Variants in NASP observed in about 807,000 individuals in gnomAD.
NASP encodes NASP histone chaperone.
In NASP, 24 loss-of-function variants were observed where a neutral mutation model predicts 89.5. The ratio of observed to expected loss-of-function variants is 0.27; its 90% CI spans 0.19 to 0.38. NASP has a LOEUF of 0.38. Among genes scored for constraint, NASP ranks in the 10% least tolerant of loss-of-function variants. The pLI, the probability that NASP is intolerant of heterozygous loss-of-function variation, is 1.00. For synonymous variants in NASP, 306 were observed against 324.7 expected (o/e 0.94, Z 0.62); for missense variants, 848 against 921.4 (o/e 0.92, Z 1.03).
At chr1:45,597,304 T>TTC (rs1304982284) in intron 2 of NASP, among the ~76,000 whole-genome samples, 2 of 100,968 alleles carry the variant, frequency 2.0e-5, no homozygotes, top group Non-Finnish European at 5.1e-5. Context: ...AAGACTTTTT[T>TTC]TTTTTTTTTT....
chr1:45,584,266 G>C, intron 1 of NASP, 61 bp downstream of exon 1: 1 of 1,483,024 alleles, frequency 6.7e-7, no homozygotes. Context: ...CTAATGGACG[G>C]GGGCTCCGGA....
intron 1 of NASP, among the ~76,000 whole-genome samples, chr1:45,590,682 CTTTTTT>C (rs386366869): frequency 1.9e-5 from 2 of 107,186 alleles, no homozygotes; most frequent in African/African-American, 3.6e-5. Context: ...CATAGTGTAA[CTTTTTT>C]TTTTTTTTTT....
At position 45,587,840 on chromosome 1, in the gene NASP, C is replaced by T. The variant is rs113584075; in HGVS notation, c.60-3383C>T. Among the ~76,000 whole-genome samples, 123 of 150,808 alleles carry T rather than the reference C, an allele frequency of 8.2e-4. 1 individual carries two copies. The highest frequency in any genetic ancestry group is 3.0e-3 in the African/African-American group (122 of 41,080). On this transcript the variant is annotated intron_variant, in intron 1 of 14. Coordinates refer to ENST00000350030, the MANE Select transcript of NASP (RefSeq NM_002482.4). ...TGAGACTACAGTTTACAAAAATTAGCCGAGCATGGGTAGCAGGGTCCTGTA... is the reference window on the plus strand; with the variant it reads ...TGAGACTACAGTTTACAAAAATTAGTCGAGCATGGGTAGCAGGGTCCTGTA...
chr1:45,614,355 G>T lies in NASP; in HGVS notation c.1655G>T (p.Ser552Ile). ...AQAHLKLGEVSVESENYVQAV... is the reference protein window; with the variant it reads ...AQAHLKLGEVIVESENYVQAV... The stretch of plus-strand genomic sequence containing the variant: ...GCACATCTTAAACTCGGAGAAGTTA[G>T]TGTTGAATCTGGTAATGCATTTTCC... The change falls in exon 9 of 15, where the codon AGT becomes ATT. Residue 552 changes from serine (S) to isoleucine (I), a missense_variant. By Grantham distance (142) the Ser-to-Ile change is moderately radical. Around this residue, in one of 5 missense-constraint regions of NASP, gnomAD observed 60 missense variants for 114.6 expected, o/e 0.52. Transcript: ENST00000350030. The T allele has an allele frequency of 6.2e-7, 1 of 1,612,836 alleles. No homozygotes were observed. The highest frequency in any genetic ancestry group is 8.5e-7 in the Non-Finnish European group (1 of 1,178,816).
At chr1:45,600,653 T>C (rs1643818101) in intron 2 of NASP, among the ~76,000 whole-genome samples, 1 of 152,250 alleles carries the variant, frequency 6.6e-6, no homozygotes, top group Non-Finnish European at 1.5e-5. Context: ...TGAATATTTG[T>C]GTACAAGTCT....
chr1:45,604,596 G>C (rs1263631020), intron 3 of NASP, among the ~76,000 whole-genome samples: 1 of 152,128 alleles, frequency 6.6e-6, no homozygotes, highest in East Asian at 1.9e-4. Context: ...TCATCCTCTA[G>C]GTCCCAGCCA....
rs1215385518 is a variant in NASP at position 45,614,362 on chromosome 1, A to G, written c.1662A>G (p.Glu554=). 6.2e-7 allele frequency: 1 copy of G among 1,610,582 alleles called. No individual in the cohort carries two copies. ...AHLKLGEVSV[E]SENYVQAVEE... The stretch of plus-strand genomic sequence containing the variant: ...TTAAACTCGGAGAAGTTAGTGTTGA[A>G]TCTGGTAATGCATTTTCCATTTTAT... The change falls in exon 9 of 15, where the codon GAA becomes GAG. Residue 554 remains glutamate (E), a synonymous_variant. Coordinates refer to ENST00000350030, the MANE Select transcript of NASP (RefSeq NM_002482.4).
Position 45,614,986 on chromosome 1 carries a change from A to C in NASP, c.1667-27A>C, listed in dbSNP as rs368122543. On this transcript the variant is annotated intron_variant, in intron 9 of 14. Coordinates refer to ENST00000350030, the MANE Select transcript of NASP (RefSeq NM_002482.4). ...ATTTTATGTTGAATGCTGTCCATTT[A>C]CTTGCTCTTCTTTTTCTCTTTGTTA... is the stretch of plus-strand genomic sequence containing the variant. 73 of 1,594,320 alleles carry C rather than the reference A, an allele frequency of 4.6e-5. No homozygotes were observed. In the African/African-American group the frequency reaches 9.7e-4, roughly 21 times the overall value.
At position 45,614,011 on chromosome 1, in the gene NASP, A is replaced by G. The variant is rs1377173136; in HGVS notation, c.1507-85A>G. Reference sequence around the variant, plus strand: ...AGTCCAAATTTTGAATCGTATATCAACTTTTTTTAAGCTACGCTAAGTTAT... The same window carrying G: ...AGTCCAAATTTTGAATCGTATATCAGCTTTTTTTAAGCTACGCTAAGTTAT... On this transcript the variant is annotated intron_variant, in intron 7 of 14. Transcript: ENST00000350030. 12 of 1,122,424 alleles carry G rather than the reference A, an allele frequency of 1.1e-5. No individual in the cohort carries two copies. In the East Asian group the frequency reaches 2.4e-4, roughly 22 times the overall value. 69.5% of individuals were successfully genotyped at this position (1,122,424 alleles called of 1,614,324 possible). A position where few individuals can be genotyped will look rare whatever the true frequency, so the allele number is the denominator to read the frequency against.
At chr1:45,586,309 G>GTGTGTGTGGT (rs1420228919) in intron 1 of NASP, among the ~76,000 whole-genome samples, 1 of 135,998 alleles carries the variant, frequency 7.4e-6, no homozygotes, top group African/African-American at 2.8e-5. Context: ...GTGTGTGTGT[G>GTGTGTGTGGT]GTGTGTGTGT....
rs1180964914 is a variant in NASP, at chr1:45,584,824, ATC to A, written c.59+622_59+623del. Among the ~76,000 whole-genome samples the A allele has an allele frequency of 4.6e-5, 7 of 152,170 alleles. No homozygotes were observed. The South Asian group carries it at 1.2e-3, about 27-fold the overall frequency. On this transcript the variant is annotated intron_variant, in intron 1 of 14. Coordinates refer to ENST00000350030, the MANE Select transcript of NASP (RefSeq NM_002482.4). ...GCGGCTCCAGCAGGAGCTTTGGACTATCTCCGTGGGGCCGGCGAGGCTAGTTC... is the reference window on the plus strand; with the variant it reads ...GCGGCTCCAGCAGGAGCTTTGGACTATCCGTGGGGCCGGCGAGGCTAGTTC...
At position 45,617,601 on chromosome 1, in the gene NASP, T is replaced by G; in HGVS notation, c.2286+10T>G. 10 of 1,575,332 alleles carry G rather than the reference T, an allele frequency of 6.3e-6. No homozygotes were observed. Among genetic ancestry groups the G allele is most frequent in the Non-Finnish European group, 8.6e-6 (10 of 1,164,686 alleles). On this transcript the variant is annotated intron_variant, in intron 14 of 14. Coordinates refer to ENST00000350030, the MANE Select transcript of NASP (RefSeq NM_002482.4). ...AAACATGGAGGAGGAGGTGGGCAGT[T>G]AAGCAGGGCTTAGCCTCTTGCCTCA...
At position 45,602,349 on chromosome 1, in the gene NASP, G is replaced by A; in HGVS notation, c.202G>A (p.Glu68Lys). Reference sequence around the variant, plus strand: ...TCCAGCAGCTGTCAATGCATTCCAGGAAGCAGCTAGTCTTTTGTAAGTATT... The same window carrying A: ...TCCAGCAGCTGTCAATGCATTCCAGAAAGCAGCTAGTCTTTTGTAAGTATT... ...DIPAAVNAFQ[E>K]AASLLGKKYG... Residue 68 changes from glutamate (E) to lysine (K), a missense_variant, in exon 3 of 15, where the codon GAA (glutamate) becomes AAA (lysine). This residue lies in a region of NASP where 17 missense variants were observed against 38.6 expected (regional missense o/e 0.44). Coordinates refer to ENST00000350030, the MANE Select transcript of NASP (RefSeq NM_002482.4). The A allele has an allele frequency of 6.2e-7, 1 of 1,613,408 alleles. No homozygotes were observed. The highest frequency in any genetic ancestry group is 1.1e-5 in the South Asian group (1 of 91,060).
intron 13 of NASP, 177 bp from the exon 14 acceptor site, chr1:45,617,286 A>AT: frequency 1.5e-6 from 1 of 649,976 alleles, no homozygotes; most frequent in Non-Finnish European, 2.6e-6. Flanking sequence ...GGTGGGACAG[A>AT]TTAATACATT....
intron 1 of NASP, among the ~76,000 whole-genome samples, chr1:45,588,018 T>C (rs1404473408): frequency 6.6e-6 from 1 of 151,402 alleles, no homozygotes; most frequent in East Asian, 2.0e-4. Flanking sequence ...CACGGGCATA[T>C]CACTTGAAGC....
intron 2 of NASP, among the ~76,000 whole-genome samples, chr1:45,593,673 T>C (rs1643610998): frequency 1.3e-5 from 2 of 151,818 alleles, no homozygotes; most frequent in Admixed American, 1.3e-4. Flanking sequence ...CTTTTTTTTT[T>C]TTCTCTTAAA....
intron 7 of NASP, 136 bp downstream of exon 7, chr1:45,613,384 A>C (rs965159674): frequency 1.0e-6 from 1 of 989,920 alleles, no homozygotes; most frequent in Non-Finnish European, 1.4e-6. Context: ...CCCGGGCTTA[A>C]GTGATCGCCT....
intron 2 of NASP, chr1:45,600,268 T>C (rs1050002995): frequency 2.0e-6 from 1 of 490,826 alleles, no homozygotes; most frequent in African/African-American, 2.1e-5. Flanking sequence ...AAAGTAACAA[T>C]TATGAGTTTC....
chr1:45,605,142 G>A, intron 4 of NASP, 126 bp downstream of exon 4: 1 of 731,944 alleles, frequency 1.4e-6, no homozygotes, highest in Non-Finnish European at 2.4e-6. Flanking sequence ...AAGTAGTGAT[G>A]GAAGTTGTGA....
Sources: gnomAD v4.1 joint callset for allele counts (sites outside exome capture counted in the v4.1 genomes callset) on GRCh38, gnomAD v4.1.1 for gene constraint, gnomAD v4.1.1 regional missense constraint, MANE v1.5 for transcripts, NCBI Gene and HGNC (gene_info 2026-07-23, HGNC 2026-07-21) for gene names.